ARHGAP26: variants seen among roughly 807,000 people sequenced by gnomAD.
ARHGAP26 encodes the protein Rho GTPase activating protein 26, also known as rho GTPase-activating protein 26.
ARHGAP26 carries 38 observed loss-of-function variants against 104.8 expected under a neutral mutation model. The ratio of observed to expected loss-of-function variants is 0.36; its 90% CI spans 0.28 to 0.48. The LOEUF is 0.48. ARHGAP26 is among the 20% of genes least tolerant of loss of function. ARHGAP26 has a pLI of 0.99. For synonymous variants in ARHGAP26, 341 were observed against 340.0 expected (o/e 1.00, Z -0.03); for missense variants, 704 against 947.9 (o/e 0.74, Z 3.38).
At chr5:142,885,513 C>A in intron 5 of ARHGAP26, 114 bp downstream of exon 5, 1 of 847,288 alleles carries the variant, frequency 1.2e-6, no homozygotes, top group Non-Finnish European at 1.8e-6. Flanking sequence ...ACCTGGGAAG[C>A]CAGGAGATTG....
At chr5:143,127,851 A>G (rs1217124941) in intron 18 of ARHGAP26, among the ~76,000 whole-genome samples, 1 of 152,236 alleles carries the variant, frequency 6.6e-6, no homozygotes, top group Non-Finnish European at 1.5e-5. Context: ...ACAGTTGTTG[A>G]TATGCAAAAT....
At chr5:142,959,571 G>A (rs779419370) in intron 11 of ARHGAP26, among the ~76,000 whole-genome samples, 16 of 152,334 alleles carry the variant, frequency 1.1e-4, no homozygotes, top group Admixed American at 2.0e-4. Flanking sequence ...GCAGCGCCAT[G>A]TTCCTCCTCT....
chr5:142,770,932 C>G lies in ARHGAP26; in HGVS notation c.154+17C>G. On this transcript the variant is annotated intron_variant, in intron 1 of 22. Transcript: ENST00000645722. ...CGCTCAAGAGTGAGTGTCCCGAGCC[C>G]CTCGGGGACGCGGCTCCGGGGCGGG... 6.3e-7 allele frequency: 1 copy of G among 1,594,218 alleles called. No homozygotes were observed. The highest frequency in any genetic ancestry group is 8.6e-7 in the Non-Finnish European group (1 of 1,169,238).
At chr5:142,896,365 G>C (rs927130095) in intron 6 of ARHGAP26, among the ~76,000 whole-genome samples, 2 of 152,112 alleles carry the variant, frequency 1.3e-5, no homozygotes, top group African/African-American at 4.8e-5. Flanking sequence ...TTTGAGGTGA[G>C]TGTTTTGTTA....
At chr5:142,922,879 G>A (rs1763385345) in intron 10 of ARHGAP26, among the ~76,000 whole-genome samples, 1 of 152,098 alleles carries the variant, frequency 6.6e-6, no homozygotes, top group Admixed American at 6.5e-5. Flanking sequence ...CTGCTGGTTG[G>A]ATTAGAGTGC....
At chr5:143,143,626 T>C (rs1798818410) in intron 19 of ARHGAP26, among the ~76,000 whole-genome samples, 1 of 152,204 alleles carries the variant, frequency 6.6e-6, no homozygotes, top group Non-Finnish European at 1.5e-5. Flanking sequence ...CCCCTTTCTG[T>C]TCCAGCAGCA....
intron 18 of ARHGAP26, among the ~76,000 whole-genome samples, chr5:143,126,788 A>G (rs904295523): frequency 9.9e-5 from 15 of 152,220 alleles, no homozygotes; most frequent in Non-Finnish European, 1.8e-4. Flanking sequence ...TTCTGAGTTG[A>G]AAGCTCAGAT....
chr5:142,795,053 T>G (rs1486886615), intron 1 of ARHGAP26, among the ~76,000 whole-genome samples: 1 of 152,230 alleles, frequency 6.6e-6, no homozygotes, highest in African/African-American at 2.4e-5. Flanking sequence ...TTCTTCTTTT[T>G]TTTTAAAAAA....
chr5:143,167,226 G>A (rs1057268864), intron 20 of ARHGAP26, among the ~76,000 whole-genome samples: 2 of 151,040 alleles, frequency 1.3e-5, no homozygotes, highest in Non-Finnish European at 1.5e-5. Flanking sequence ...CAGCATGTTC[G>A]GAGGCCAAGG....
intron 17 of ARHGAP26, among the ~76,000 whole-genome samples, chr5:143,109,317 C>T (rs140781205): frequency 2.4e-4 from 37 of 152,270 alleles, no homozygotes; most frequent in African/African-American, 7.2e-4. Flanking sequence ...GATATATAGG[C>T]GCAAAGGCAC....
chr5:142,934,905 AT>A (rs1435964253), intron 11 of ARHGAP26, among the ~76,000 whole-genome samples: 1 of 152,258 alleles, frequency 6.6e-6, no homozygotes, highest in East Asian at 1.9e-4. Flanking sequence ...GCAACATTTC[AT>A]TTTTAAATGT....
chr5:142,786,849 G>C lies in ARHGAP26; in HGVS notation c.154+15934G>C, dbSNP rs551620326. On this transcript the variant is annotated intron_variant, in intron 1 of 22. Coordinates refer to ENST00000645722, the MANE Select transcript of ARHGAP26 (RefSeq NM_001135608.3). ...TTTAGTAGAGACGGGGTTTCACCAT[G>C]TTGGCCAGGCTGGTCTTGAACTCCT... Among the ~76,000 whole-genome samples the C allele has an allele frequency of 3.9e-5, 6 of 152,046 alleles. No homozygotes were observed. In the Middle Eastern group the frequency reaches 0.014, roughly 345 times the overall value.
intron 14 of ARHGAP26, 141 bp downstream of exon 14, chr5:143,042,031 A>G (rs1188761047): frequency 2.9e-6 from 2 of 695,136 alleles, no homozygotes; most frequent in Non-Finnish European, 5.1e-6. Context: ...CATCTGCCCC[A>G]TCGGTCAGTT....
chr5:142,958,358 T>C (rs1337028991), intron 11 of ARHGAP26, among the ~76,000 whole-genome samples: 4 of 152,180 alleles, frequency 2.6e-5, no homozygotes, highest in Non-Finnish European at 5.9e-5. Context: ...ATGTTGAATA[T>C]ATTTAAGATT....
intron 13 of ARHGAP26, among the ~76,000 whole-genome samples, chr5:143,037,764 TTA>T (rs1782867494): frequency 6.6e-6 from 1 of 152,150 alleles, no homozygotes; most frequent in Non-Finnish European, 1.5e-5. Context: ...TTAATGTCAG[TTA>T]TAGGTTAGTG....
chr5:143,181,441 A>G (rs972241032), intron 20 of ARHGAP26, among the ~76,000 whole-genome samples: 1 of 151,776 alleles, frequency 6.6e-6, no homozygotes, highest in East Asian at 1.9e-4. Context: ...CCCCCTCCTT[A>G]CACCTTCCTC....
chr5:143,175,429 C>T (rs1033549364), intron 20 of ARHGAP26, among the ~76,000 whole-genome samples: 1 of 152,060 alleles, frequency 6.6e-6, no homozygotes, highest in African/African-American at 2.4e-5. Context: ...CAGACCTCAA[C>T]TTAGCATGAG....
In ARHGAP26 at chr5:142,793,252, C is replaced by CTTTTTTTTTTTT. The variant is rs56941301; in HGVS notation, c.154+22348_154+22359dup. On this transcript the variant is annotated intron_variant, in intron 1 of 22. Transcript: ENST00000645722. The stretch of plus-strand genomic sequence containing the variant: ...GCCCACTGATTGTTATATCCCTTTG[C>CTTTTTTTTTTTT]TTTTTTTTTTTTTTTTTTTTTTAAT... Among the ~76,000 whole-genome samples, 16 of 107,132 alleles carry CTTTTTTTTTTTT rather than the reference C, an allele frequency of 1.5e-4. No individual in the cohort carries two copies. The East Asian group carries it at 1.6e-3, about 11-fold the overall frequency. The allele number at this position is 107,132 out of a possible 152,430, so 70.3% of individuals were successfully genotyped here. A position where few individuals can be genotyped will look rare whatever the true frequency, so the allele number is the denominator to read the frequency against.
At chr5:142,995,178 AC>A (rs1325279042) in intron 11 of ARHGAP26, among the ~76,000 whole-genome samples, 3 of 152,230 alleles carry the variant, frequency 2.0e-5, no homozygotes, top group African/African-American at 4.8e-5. Flanking sequence ...ATCTAATTAA[AC>A]TAAAGAGCTC....
Sources: gnomAD v4.1 joint callset for allele counts (sites outside exome capture counted in the v4.1 genomes callset) on GRCh38, gnomAD v4.1.1 for gene constraint, MANE v1.5 for transcripts, NCBI Gene and HGNC (gene_info 2026-07-23, HGNC 2026-07-21) for gene names.